The following OSBPL10 variants were observed in gnomAD, a reference collection of about 807,000 sequenced individuals.
OSBPL10 encodes the protein oxysterol binding protein like 10, also known as oxysterol-binding protein-related protein 10.
In OSBPL10, 49 loss-of-function variants were observed where a neutral mutation model predicts 81.7. The observed-to-expected ratio is 0.60, with a 90% CI of 0.48 to 0.76. The LOEUF is 0.76. OSBPL10 is among the 30% of genes least tolerant of loss of function. The pLI is 0.00. For missense variants in OSBPL10, 923 were observed against 987.8 expected, an observed-to-expected ratio of 0.93 and a Z score of 0.88; for synonymous variants, 419 against 383.6, an observed-to-expected ratio of 1.09 and a Z score of -1.08.
intron 4 of OSBPL10, among the ~76,000 whole-genome samples, chr3:31,769,020 G>A (rs901328688): frequency 1.3e-5 from 2 of 152,040 alleles, no homozygotes; most frequent in African/African-American, 2.4e-5. Context: ...CGGCAGCCGC[G>A]GAAAAATAAG....
chr3:31,851,275 C>T (rs1048183614), intron 3 of OSBPL10, among the ~76,000 whole-genome samples: 1 of 152,196 alleles, frequency 6.6e-6, no homozygotes, highest in African/African-American at 2.4e-5. Flanking sequence ...AAGTCTGTGT[C>T]GAGAAGTCCT....
intron 1 of OSBPL10, among the ~76,000 whole-genome samples, chr3:32,075,393 C>A (rs1463387662): frequency 6.6e-6 from 1 of 152,164 alleles, no homozygotes; most frequent in Non-Finnish European, 1.5e-5. Flanking sequence ...TAACATTGAA[C>A]CCCCTTGGAC....
chr3:32,004,950 C>A (rs926958836), intron 2 of OSBPL10, among the ~76,000 whole-genome samples: 4 of 152,210 alleles, frequency 2.6e-5, no homozygotes, highest in African/African-American at 4.8e-5. Context: ...CCCATAGGCA[C>A]CCACTTTGAT....
At chr3:31,800,967 G>A (rs1439270016) in intron 4 of OSBPL10, among the ~76,000 whole-genome samples, 1 of 150,928 alleles carries the variant, frequency 6.6e-6, no homozygotes, top group African/African-American at 2.4e-5. Flanking sequence ...AATCCTTTAC[G>A]ATCCCCTTGA....
rs1216667703 is a variant in OSBPL10 at position 31,939,143 on chromosome 3, CCTTTTTT to C, written c.281+41749_281+41755del. On this transcript the variant is annotated intron_variant, in intron 1 of 11. Coordinates refer to ENST00000396556, the MANE Select transcript of OSBPL10 (RefSeq NM_017784.5). ...GTTTAATGTGCCAAGACTCTCTCAT[CCTTTTTT>C]TTTTTTTTTTTTGAGACAGAGTTTC... Among the ~76,000 whole-genome samples, 6 of 49,726 alleles carry C rather than the reference CCTTTTTT, an allele frequency of 1.2e-4. No individual in the cohort carries two copies. The East Asian group carries it at 1.5e-3, about 13-fold the overall frequency. The allele number at this position is 49,726 out of a possible 152,430, so 32.6% of individuals were successfully genotyped here.
intron 7 of OSBPL10, among the ~76,000 whole-genome samples, chr3:31,685,722 T>C (rs1700776450): frequency 6.6e-6 from 1 of 152,126 alleles, no homozygotes; most frequent in Non-Finnish European, 1.5e-5. Context: ...CATGAAAACA[T>C]TTGGGAGGGT....
intron 1 of OSBPL10, among the ~76,000 whole-genome samples, chr3:32,075,574 C>T (rs911670842): frequency 3.9e-5 from 6 of 152,150 alleles, no homozygotes; most frequent in Admixed American, 2.0e-4. Flanking sequence ...CTAAGAAACC[C>T]ACAATATCAC....
At chr3:31,800,230 C>T (rs1046175146) in intron 4 of OSBPL10, among the ~76,000 whole-genome samples, 60 of 152,270 alleles carry the variant, frequency 3.9e-4, no homozygotes, top group African/African-American at 1.0e-3. Context: ...CCACCTCCTC[C>T]GCTGTCCTTT....
chr3:31,966,165 G>A (rs1244665914), intron 1 of OSBPL10, among the ~76,000 whole-genome samples: 1 of 89,104 alleles, frequency 1.1e-5, no homozygotes, highest in Non-Finnish European at 2.3e-5. Flanking sequence ...GTGTGTGTGT[G>A]TGTGTGTGTG....
chr3:31,745,457 A>T (rs561910124), intron 5 of OSBPL10, among the ~76,000 whole-genome samples: 56 of 152,354 alleles, frequency 3.7e-4, no homozygotes, highest in Non-Finnish European at 7.1e-4. Context: ...AGCATTTTTC[A>T]TACTATTCTT....
intron 1 of OSBPL10, among the ~76,000 whole-genome samples, chr3:31,931,568 G>A (rs1193916670): frequency 2.0e-5 from 3 of 152,126 alleles, no homozygotes; most frequent in Non-Finnish European, 2.9e-5. Flanking sequence ...AGAATGCCAC[G>A]CTCCTTGTCT....
intron 2 of OSBPL10, among the ~76,000 whole-genome samples, chr3:31,994,953 C>A (rs1344284141): frequency 5.3e-5 from 8 of 152,042 alleles, no homozygotes; most frequent in Non-Finnish European, 1.0e-4. Context: ...ATTGGTAGGA[C>A]CATGATGCCC....
chr3:31,938,750 T>C (rs1046990539), intron 1 of OSBPL10, among the ~76,000 whole-genome samples: 1 of 152,036 alleles, frequency 6.6e-6, no homozygotes, highest in African/African-American at 2.4e-5. Context: ...TGTCTCAGCC[T>C]CCTAAAGTGC....
chr3:31,898,139 AAT>A (rs1376104935), intron 1 of OSBPL10, among the ~76,000 whole-genome samples: 1 of 152,128 alleles, frequency 6.6e-6, no homozygotes, highest in African/African-American at 2.4e-5. Context: ...GTGTGTAGGA[AAT>A]ATAGATACAT....
At chr3:31,811,213 G>A (rs1048259160) in intron 4 of OSBPL10, among the ~76,000 whole-genome samples, 2 of 152,116 alleles carry the variant, frequency 1.3e-5, no homozygotes, top group African/African-American at 4.8e-5. Flanking sequence ...CTGGGGGTGG[G>A]CAAGGACTGA....
At chr3:31,668,257 A>AT (rs967039904) in intron 10 of OSBPL10, among the ~76,000 whole-genome samples, 5 of 152,118 alleles carry the variant, frequency 3.3e-5, no homozygotes, top group East Asian at 1.9e-4. Context: ...CCAGCATTTA[A>AT]TTTTTTTAAT....
intron 2 of OSBPL10, among the ~76,000 whole-genome samples, chr3:32,025,603 G>A (rs1199374959): frequency 4.6e-5 from 7 of 152,072 alleles, no homozygotes; most frequent in Non-Finnish European, 8.8e-5. Context: ...ATATTTGATA[G>A]CATTCACTAG....
intron 4 of OSBPL10, among the ~76,000 whole-genome samples, chr3:31,776,052 T>C (rs2219250): frequency 0.74 from 111,754 of 151,938 alleles, 41,348 homozygotes; most frequent in East Asian, 0.8. Context: ...GATCTGGGAA[T>C]TCTGGGTTTC....
intron 1 of OSBPL10, among the ~76,000 whole-genome samples, chr3:31,958,474 C>T (rs1483122711): frequency 6.6e-6 from 1 of 151,992 alleles, no homozygotes; most frequent in African/African-American, 2.4e-5. Flanking sequence ...CACATCAGGA[C>T]TTCACAGAGG....
Sources: gnomAD v4.1 joint callset for allele counts (sites outside exome capture counted in the v4.1 genomes callset) on GRCh38, gnomAD v4.1.1 for gene constraint, MANE v1.5 for transcripts, NCBI Gene and HGNC (gene_info 2026-07-23, HGNC 2026-07-21) for gene names.